Variants in PPP4R4 observed in about 807,000 individuals in gnomAD.
PPP4R4 encodes protein phosphatase 4 regulatory subunit 4.
PPP4R4 carries 70 observed loss-of-function variants against 121.8 expected under a neutral mutation model. The observed-to-expected ratio is 0.57, with a 90% CI of 0.47 to 0.70. PPP4R4 has a LOEUF of 0.70. Ranked by LOEUF, PPP4R4 falls within the 30% of genes least tolerant of loss-of-function variation. PPP4R4 has a pLI of 0.00. For missense variants in PPP4R4, 875 were observed against 1,033.6 expected (o/e 0.85, Z 2.10); for synonymous variants, 348 against 355.7 (o/e 0.98, Z 0.24).
chr14:94,228,304 G>A (rs1176525764), intron 3 of PPP4R4, among the ~76,000 whole-genome samples: 1 of 152,210 alleles, frequency 6.6e-6, no homozygotes, highest in Non-Finnish European at 1.5e-5. Context: ...AGAATTCAGT[G>A]CATAGGAGTG....
intron 16 of PPP4R4, among the ~76,000 whole-genome samples, chr14:94,253,796 ACT>A (rs1893319002): frequency 6.6e-6 from 1 of 152,098 alleles, no homozygotes; most frequent in Non-Finnish European, 1.5e-5. Flanking sequence ...CTTGGTTCCT[ACT>A]CTCTTGCCTG....
intron 23 of PPP4R4, among the ~76,000 whole-genome samples, chr14:94,274,308 G>C (rs1021411944): frequency 6.6e-6 from 1 of 151,840 alleles, no homozygotes. Context: ...CAAAATTAAA[G>C]CGTCTGGGCT....
In PPP4R4 at chr14:94,208,895, A is replaced by C. The variant is rs78316452; in HGVS notation, c.294+329A>C. Among the ~76,000 whole-genome samples, 130 of 152,016 alleles carry C rather than the reference A, an allele frequency of 8.6e-4. 2 individuals are homozygous for C. Among genetic ancestry groups the C allele is most frequent in the Non-Finnish European group, 1.8e-3 (121 of 67,890 alleles). On this transcript the variant is annotated intron_variant, in intron 3 of 24. Coordinates refer to ENST00000304338, the MANE Select transcript of PPP4R4 (RefSeq NM_058237.2). ...TAGTATTCTGTTGACTTAAATCTAT[A>C]TTAATAGTATTTGTATAACATTGAT...
chr14:94,276,390 G>C (rs1894640784), intron 24 of PPP4R4, among the ~76,000 whole-genome samples: 1 of 152,202 alleles, frequency 6.6e-6, no homozygotes. Context: ...CCTGGGCCTG[G>C]GTAATTTATG....
At position 94,250,253 on chromosome 14, in the gene PPP4R4, G is replaced by A; in HGVS notation, c.1693G>A (p.Glu565Lys). ...RYNRKQEQRH[E>K]VIQKLIEQLG... is the part of the protein sequence containing the mutation. ...TAATCGTAAACAAGAACAGAGACAT[G>A]AGGTCATTCAAAAATTAATTGAACG... The change falls in exon 15 of 25, where the codon GAG becomes AAG. Residue 565 changes from glutamate (E) to lysine (K), a missense_variant. Transcript: ENST00000304338. 6.2e-7 allele frequency: 1 copy of A among 1,607,910 alleles called. No individual in the cohort carries two copies. Among genetic ancestry groups the A allele is most frequent in the Non-Finnish European group, 8.5e-7 (1 of 1,175,002 alleles).
intron 15 of PPP4R4, among the ~76,000 whole-genome samples, chr14:94,250,517 A>G (rs991162141): frequency 1.3e-4 from 20 of 152,028 alleles, no homozygotes; most frequent in Non-Finnish European, 2.9e-4. Flanking sequence ...ATATTTACTT[A>G]TATTGAAAGC....
At chr14:94,222,848 C>T (rs1891487578) in intron 3 of PPP4R4, among the ~76,000 whole-genome samples, 1 of 152,130 alleles carries the variant, frequency 6.6e-6, no homozygotes, top group Non-Finnish European at 1.5e-5. Context: ...AATCTTCTCT[C>T]TCTCCTCCTT....
At position 94,258,834 on chromosome 14, in the gene PPP4R4, C is replaced by T; in HGVS notation, c.2052+10C>T. The stretch of plus-strand genomic sequence containing the variant: ...AATGTCTATGGATGCTGTAAGTATA[C>T]TCTCTTTACCTTATTGTGTTGGTCC... On this transcript the variant is annotated intron_variant, in intron 18 of 24. Transcript: ENST00000304338. 2 of 1,578,768 alleles carry T rather than the reference C, an allele frequency of 1.3e-6. No individual in the cohort carries two copies. The highest frequency in any genetic ancestry group is 1.1e-5 in the South Asian group (1 of 90,184).
intron 1 of PPP4R4, 30 bp from the exon 2 acceptor site, chr14:94,176,024 G>A (rs757893846): frequency 3.9e-6 from 6 of 1,558,084 alleles, no homozygotes; most frequent in South Asian, 3.3e-5. Context: ...AATATTTGTG[G>A]TGCATAAATG....
intron 3 of PPP4R4, chr14:94,227,940 C>A: frequency 1.1e-6 from 1 of 923,092 alleles, no homozygotes; most frequent in Non-Finnish European, 1.3e-6. Flanking sequence ...CTTTTGGGAA[C>A]ACTAAAACAA....
chr14:94,227,295 G>T (rs1891768335), intron 3 of PPP4R4: 1 of 1,610,848 alleles, frequency 6.2e-7, no homozygotes, highest in African/African-American at 1.3e-5. Flanking sequence ...GGTCCATGAG[G>T]ATGCACACTT....
chr14:94,240,329 T>A (rs1433439462), intron 8 of PPP4R4, among the ~76,000 whole-genome samples: 1 of 152,202 alleles, frequency 6.6e-6, no homozygotes, highest in Non-Finnish European at 1.5e-5. Context: ...GCTTACTATT[T>A]ATCTATTTAT....
At chr14:94,174,678 C>T in intron 1 of PPP4R4, 96 bp downstream of exon 1, 1 of 1,497,086 alleles carries the variant, frequency 6.7e-7, no homozygotes, top group Non-Finnish European at 8.9e-7. Flanking sequence ...ACCCTCCCCT[C>T]CTCCGGGCCG....
At chr14:94,232,106 T>C (rs1892070788) in intron 5 of PPP4R4, among the ~76,000 whole-genome samples, 1 of 152,200 alleles carries the variant, frequency 6.6e-6, no homozygotes, top group African/African-American at 2.4e-5. Flanking sequence ...GCATGTTGTT[T>C]GCCTATTAAT....
intron 8 of PPP4R4, among the ~76,000 whole-genome samples, chr14:94,239,058 C>T (rs1892489185): frequency 6.6e-6 from 1 of 152,058 alleles, no homozygotes; most frequent in Non-Finnish European, 1.5e-5. Context: ...CATTCTTTCC[C>T]ACTCCTCTTG....
Position 94,198,472 on chromosome 14 carries a change from G to T in PPP4R4, c.192-9992G>T, listed in dbSNP as rs1473822135. ...TGCAAATATTTTATGCCAGTCTATGGCTTACATTTTCATTTTTGTAACAGT... is the reference window on the plus strand; with the variant it reads ...TGCAAATATTTTATGCCAGTCTATGTCTTACATTTTCATTTTTGTAACAGT... On this transcript the variant is annotated intron_variant, in intron 2 of 24. Transcript: ENST00000304338. Among the ~76,000 whole-genome samples the T allele has an allele frequency of 3.9e-5, 6 of 152,058 alleles. No homozygotes were observed. The East Asian group carries it at 1.2e-3, about 29-fold the overall frequency.
At chr14:94,265,012 A>AG in intron 20 of PPP4R4, 65 bp downstream of exon 20, 3 of 1,233,070 alleles carry the variant, frequency 2.4e-6, no homozygotes, top group Non-Finnish European at 3.5e-6. Context: ...TGGTATTCTG[A>AG]AAGACCATGC....
intron 2 of PPP4R4, among the ~76,000 whole-genome samples, chr14:94,176,753 T>A (rs921063776): frequency 7.9e-5 from 12 of 152,230 alleles, no homozygotes; most frequent in African/African-American, 2.4e-4. Context: ...AGATTGAGCA[T>A]CTTAAAAACT....
chr14:94,204,723 TG>T (rs1890369441), intron 2 of PPP4R4, among the ~76,000 whole-genome samples: 1 of 152,164 alleles, frequency 6.6e-6, no homozygotes, highest in Non-Finnish European at 1.5e-5. Flanking sequence ...CCTCTCTGAT[TG>T]CTTAGATATC....
Sources: gnomAD v4.1 joint callset for allele counts (sites outside exome capture counted in the v4.1 genomes callset) on GRCh38, gnomAD v4.1.1 for gene constraint, MANE v1.5 for transcripts, NCBI Gene and HGNC (gene_info 2026-07-23, HGNC 2026-07-21) for gene names.